FBN3: variants seen among roughly 807,000 people sequenced by gnomAD.
FBN3 encodes the protein fibrillin-3.
FBN3 carries 234 observed loss-of-function variants against 330.1 expected under a neutral mutation model. The ratio of observed to expected loss-of-function variants is 0.71; its 90% CI spans 0.64 to 0.79. The LOEUF is 0.79. Ranked by LOEUF, FBN3 falls within the 30% of genes least tolerant of loss-of-function variation. The pLI, the probability that FBN3 is intolerant of heterozygous loss-of-function variation, is 0.00. For missense variants in FBN3, 3,606 were observed against 3,886.9 expected, an observed-to-expected ratio of 0.93 and a Z score of 1.92; for synonymous variants, 1,458 against 1,517.3, an observed-to-expected ratio of 0.96 and a Z score of 0.91.
rs771098960 is a variant in FBN3, at chr19:8,129,302, C to G, written c.2108G>C (p.Gly703Ala). The G allele has an allele frequency of 3.1e-6, 5 of 1,614,022 alleles. No homozygotes were observed. In the African/African-American group the frequency reaches 6.7e-5, roughly 22 times the overall value. ...CANGVCENLR[G>A]SYRCVCNLGY... ...CAGGTTGCAGACACAGCGGTAGCTG[C>G]CCCGAAGGTTCTCGCACACGCCATT... Residue 703 changes from glycine (G) to alanine (A), a missense_variant, in exon 17 of 64, where the codon GGC (glycine) becomes GCC (alanine). Coordinates refer to ENST00000600128, the MANE Select transcript of FBN3 (RefSeq NM_032447.5). The surrounding 1 kb of genome is among the most constrained non-coding windows in gnomAD (Gnocchi z 4.5).
chr19:8,148,342 G>A (rs1041319047), intron 1 of FBN3, among the ~76,000 whole-genome samples: 2 of 152,072 alleles, frequency 1.3e-5, no homozygotes, highest in Non-Finnish European at 2.9e-5. Flanking sequence ...CCAGGCAGGG[G>A]CTGGAACTTC....
intron 13 of FBN3, among the ~76,000 whole-genome samples, 184 bp downstream of exon 13, chr19:8,135,776 AG>A (rs1371449432): frequency 2.0e-5 from 3 of 152,154 alleles, no homozygotes; most frequent in Admixed American, 6.6e-5. Flanking sequence ...GAGGAAATGA[AG>A]GGGAGAGTCA....
At chr19:8,112,509 G>T (rs1169661906) in intron 30 of FBN3, among the ~76,000 whole-genome samples, 4 of 152,000 alleles carry the variant, frequency 2.6e-5, no homozygotes, top group Non-Finnish European at 5.9e-5. Context: ...AATTAGCCAG[G>T]CGTGGTGGCA....
intron 37 of FBN3, among the ~76,000 whole-genome samples, chr19:8,106,969 TG>T (rs1169359376): frequency 6.9e-6 from 1 of 144,114 alleles, no homozygotes; most frequent in Non-Finnish European, 1.5e-5. Context: ...GATGGGAGAG[TG>T]GGAAATAGGT....
intron 36 of FBN3, among the ~76,000 whole-genome samples, chr19:8,108,532 G>A (rs774487937): frequency 3.3e-5 from 5 of 152,068 alleles, no homozygotes; most frequent in Non-Finnish European, 7.4e-5. Context: ...GTAGGAGGGA[G>A]AGAAGATTAT....
intron 13 of FBN3, among the ~76,000 whole-genome samples, chr19:8,134,070 C>A (rs1296125947): frequency 1.4e-5 from 2 of 145,744 alleles, no homozygotes; most frequent in African/African-American, 5.2e-5. Context: ...ACTAAAAATA[C>A]AAAAAAAAAA....
At chr19:8,103,038 G>A (rs574208423) in intron 39 of FBN3, among the ~76,000 whole-genome samples, 165 bp from the exon 40 acceptor site, 37 of 151,752 alleles carry the variant, frequency 2.4e-4, no homozygotes, top group African/African-American at 7.8e-4. Flanking sequence ...AGGCGGAGGC[G>A]GGCGGATCAC....
intron 11 of FBN3, 27 bp downstream of exon 11, chr19:8,136,361 C>T (rs762920670): frequency 1.2e-6 from 2 of 1,609,362 alleles, no homozygotes; most frequent in African/African-American, 2.7e-5. Flanking sequence ...TGAGAACCGC[C>T]CCCCCTTCCA....
Position 8,066,109 on chromosome 19 carries a change from T to C in FBN3, c.8240A>G (p.Gln2747Arg), listed in dbSNP as rs758887259. The change falls in exon 64 of 64, where the codon CAA becomes CGA. Residue 2747 changes from glutamine to arginine, a missense_variant. Coordinates refer to ENST00000600128, the MANE Select transcript of FBN3 (RefSeq NM_032447.5). ...GAGGTGATGCATGCGAAAGAAACCT[T>C]GCTCGTTTCCGCGGACGATGACGTA... The part of the protein sequence containing the change: ...IRYVIVRGNE[Q>R]GFFRMHHLRG... 3.1e-6 allele frequency: 5 copies of C among 1,613,510 alleles called. No homozygotes were observed. Among genetic ancestry groups the C allele is most frequent in the Non-Finnish European group, 4.2e-6 (5 of 1,179,948 alleles).
At position 8,131,273 on chromosome 19, in the gene FBN3, A is replaced by G; in HGVS notation, c.2006T>C (p.Leu669Pro). ...PAKDSAEFQA[L>P]CSSGLGITTD... ...GGTAATGCCAAGCCCACTGCTGCAC[A>G]GTGCCTGGAACTCAGCTGGGGATGG... The change falls in exon 16 of 64, where the codon CTG (leucine) becomes CCG (proline). Residue 669 changes from leucine to proline, a missense_variant. Transcript: ENST00000600128. The surrounding 1 kb of genome is among the most constrained non-coding windows in gnomAD (Gnocchi z 4.5). The G allele has an allele frequency of 6.2e-7, 1 of 1,612,048 alleles. No individual in the cohort carries two copies. The highest frequency in any genetic ancestry group is 2.2e-5 in the East Asian group (1 of 44,840).
In FBN3 at chr19:8,129,006, A is replaced by C. The variant is rs1410702258; in HGVS notation, c.2296+22T>G. 1 of 1,603,558 alleles carries C rather than the reference A, an allele frequency of 6.2e-7. No individual in the cohort carries two copies. Among genetic ancestry groups the C allele is most frequent in the Admixed American group, 1.7e-5 (1 of 59,374 alleles). On this transcript the variant is annotated intron_variant, in intron 18 of 63. Coordinates refer to ENST00000600128, the MANE Select transcript of FBN3 (RefSeq NM_032447.5). This position sits in a 1 kb window ranked among gnomAD's most constrained non-coding sequence, Gnocchi z 4.5. ...GGAGCATATGTGTGTGTGCAAACCCACGTGAGCCCGGGACCCAGTACCTTT... is the reference window on the plus strand; with the variant it reads ...GGAGCATATGTGTGTGTGCAAACCCCCGTGAGCCCGGGACCCAGTACCTTT...
chr19:8,126,152 G>T, intron 21 of FBN3, 135 bp from the exon 22 acceptor site: 1 of 1,446,136 alleles, frequency 6.9e-7, no homozygotes, highest in Non-Finnish European at 9.5e-7. Flanking sequence ...CTTTCAAGAA[G>T]GCCTGGGGAC....
intron 25 of FBN3, among the ~76,000 whole-genome samples, chr19:8,119,497 T>C (rs1224131492): frequency 6.6e-6 from 1 of 151,944 alleles, no homozygotes; most frequent in East Asian, 1.9e-4. Context: ...CCCCACTCCA[T>C]TCTTTCTTTC....
chr19:8,097,123 T>G (rs376064669), intron 42 of FBN3, 117 bp from the exon 43 acceptor site: 40 of 1,495,522 alleles, frequency 2.7e-5, no homozygotes, highest in Non-Finnish European at 3.5e-5. Flanking sequence ...CAGCCAGAGC[T>G]GGAGTAAGGG....
intron 13 of FBN3, among the ~76,000 whole-genome samples, chr19:8,135,477 C>A (rs1052822307): frequency 5.3e-5 from 8 of 151,686 alleles, no homozygotes; most frequent in African/African-American, 1.9e-4. Context: ...GGGGTTTCAC[C>A]GTGTTGGTCA....
chr19:8,135,941 CCCG>C lies in FBN3; in HGVS notation c.1591+17_1591+19del. ...AGTGGGGCCCGGAAGCCCCTGCCCACCCGCCCACCCCCAACTCACCCACACAGT... is the reference window on the plus strand; with the variant it reads ...AGTGGGGCCCGGAAGCCCCTGCCCACCCCACCCCCAACTCACCCACACAGT... On this transcript the variant is annotated intron_variant, in intron 13 of 63. Coordinates refer to ENST00000600128, the MANE Select transcript of FBN3 (RefSeq NM_032447.5). 2 of 441,524 alleles carry C rather than the reference CCCG, an allele frequency of 4.5e-6. No individual in the cohort carries two copies. The highest frequency in any genetic ancestry group is 8.7e-6 in the Non-Finnish European group (2 of 231,010). The allele number at this position is 441,524 out of a possible 1,614,324, so 27.4% of individuals were successfully genotyped here.
In FBN3 at chr19:8,129,792, T is replaced by C. The variant is rs2083082013; in HGVS notation, c.2045-427A>G. On this transcript the variant is annotated intron_variant, in intron 16 of 63. Coordinates refer to ENST00000600128, the MANE Select transcript of FBN3 (RefSeq NM_032447.5). This position sits in a 1 kb window ranked among gnomAD's most constrained non-coding sequence, Gnocchi z 4.5. ...GCAATTATAGGCCAGATATGATGGC[T>C]GTCACCTATAATCCCACCACTTTGG... is the stretch of plus-strand genomic sequence containing the variant. Among the ~76,000 whole-genome samples the C allele has an allele frequency of 6.6e-6, 1 of 152,164 alleles. No individual in the cohort carries two copies. The highest frequency in any genetic ancestry group is 2.4e-5 in the African/African-American group (1 of 41,436).
rs1393948731 is a variant in FBN3 at position 8,110,975 on chromosome 19, G to A, written c.4211-8C>T. On this transcript the variant is annotated splice_region_variant and splice_polypyrimidine_tract_variant and intron_variant, in intron 33 of 63. Coordinates refer to ENST00000600128, the MANE Select transcript of FBN3 (RefSeq NM_032447.5). ...GCGCACACTCGTCCACATCTGCGGG[G>A]ACCCTGGGTCAGCCTGCCCCACCCA... 3.7e-6 allele frequency: 6 copies of A among 1,614,090 alleles called. No homozygotes were observed. The highest frequency in any genetic ancestry group is 1.6e-4 in the Middle Eastern group (1 of 6,084).
chr19:8,135,936 G>GGGGGGGGGGGGCGCCCCCCCCCCCCCC, intron 13 of FBN3, 25 bp downstream of exon 13: 2 of 668,778 alleles, frequency 3.0e-6, no homozygotes, highest in South Asian at 1.6e-5. Context: ...GGAAGCCCCT[G>GGGGGGGGGGGGCGCCCCCCCCCCCCCC]CCCACCCGCC....
Sources: allele counts gnomAD v4.1 joint callset (sites outside exome capture counted in the v4.1 genomes callset), GRCh38; gene constraint gnomAD v4.1.1; non-coding constraint Gnocchi (gnomAD v3.1); transcripts MANE v1.5; gene names NCBI Gene and HGNC (gene_info 2026-07-23, HGNC 2026-07-21).